Variants in CDS1 observed in about 807,000 individuals in gnomAD.
The protein encoded by CDS1 is CDP-diacylglycerol synthase 1.
CDS1 carries 41 observed loss-of-function variants against 62.1 expected under a neutral mutation model. The ratio of observed to expected loss-of-function variants is 0.66; its 90% CI spans 0.51 to 0.86. The LOEUF (loss-of-function observed/expected upper bound fraction) is 0.86. CDS1 is among the 40% of genes least tolerant of loss of function. The pLI is 0.00. For synonymous variants in CDS1, 185 were observed against 192.6 expected (o/e 0.96, Z 0.32); for missense variants, 470 against 550.1 (o/e 0.85, Z 1.46).
At position 84,631,799 on chromosome 4, in the gene CDS1, T is replaced by C. The variant is rs1724028665; in HGVS notation, c.581-20T>C. ...TGTACCAAATTGTACAACGAGCACA[T>C]GTTTTTTGTTCTTGAACAGGTTTCT... On this transcript the variant is annotated intron_variant, in intron 5 of 12. Coordinates refer to ENST00000295887, the MANE Select transcript of CDS1 (RefSeq NM_001263.4). The C allele has an allele frequency of 1.2e-6, 2 of 1,604,890 alleles. No homozygotes were observed. Among genetic ancestry groups the C allele is most frequent in the Non-Finnish European group, 1.7e-6 (2 of 1,172,460 alleles).
chr4:84,612,519 A>G (rs1160997476), intron 3 of CDS1, among the ~76,000 whole-genome samples: 1 of 152,208 alleles, frequency 6.6e-6, no homozygotes, highest in African/African-American at 2.4e-5. Context: ...ACAAAATTCA[A>G]GACAGTTTTA....
intron 1 of CDS1, among the ~76,000 whole-genome samples, chr4:84,599,988 A>G: frequency 6.6e-6 from 1 of 152,218 alleles, no homozygotes; most frequent in Non-Finnish European, 1.5e-5. Context: ...GTACTGTTTT[A>G]CATTCTCACC....
At chr4:84,640,145 TA>T (rs1724333642) in intron 9 of CDS1, among the ~76,000 whole-genome samples, 2 of 147,654 alleles carry the variant, frequency 1.4e-5, no homozygotes, top group South Asian at 4.2e-4. Context: ...ATAATATATA[TA>T]ATAATATGTA....
chr4:84,643,024 G>A lies in CDS1; in HGVS notation c.1033G>A (p.Glu345Lys). Reference protein sequence around the residue: ...PPFLKAVLRQERVSLYPFQIH... With the variant: ...PPFLKAVLRQKRVSLYPFQIH... ...TCCTCCCCTTCTTTCTCCTCTTTAG[G>A]AAAGAGTGAGCTTGTACCCTTTCCA... Residue 345 changes from glutamate to lysine, a missense_variant and splice_region_variant, in exon 11 of 13, where the codon GAA (glutamate) becomes AAA (lysine). Transcript: ENST00000295887. 3 of 1,588,978 alleles carry A rather than the reference G, an allele frequency of 1.9e-6. 1 individual carries two copies. The South Asian group carries it at 3.5e-5, about 19-fold the overall frequency.
Position 84,650,202 on chromosome 4 carries a change from A to G in CDS1, c.*1516A>G, listed in dbSNP as rs1724690115. 1 of 152,220 alleles carries G rather than the reference A, an allele frequency of 6.6e-6. No individual in the cohort carries two copies. The highest frequency in any genetic ancestry group is 2.4e-5 in the African/African-American group (1 of 41,464). The allele number at this position is 152,220 out of a possible 1,614,324, so 9.4% of individuals were successfully genotyped here. On this transcript the variant is annotated 3_prime_UTR_variant, in exon 13 of 13. Transcript: ENST00000295887. ...CTGGGTTCCACTGATGCAGTCAGCCAGCACCTCCTCACATGCACACATGAT... is the reference window on the plus strand; with the variant it reads ...CTGGGTTCCACTGATGCAGTCAGCCGGCACCTCCTCACATGCACACATGAT...
chr4:84,631,198 C>T (rs962707341), intron 5 of CDS1, among the ~76,000 whole-genome samples: 1 of 152,060 alleles, frequency 6.6e-6, no homozygotes, highest in Non-Finnish European at 1.5e-5. Flanking sequence ...TCTTAAGGGT[C>T]AATAGGATTT....
intron 1 of CDS1, among the ~76,000 whole-genome samples, chr4:84,597,252 T>TA (rs1460153859): frequency 2.7e-5 from 4 of 150,798 alleles, no homozygotes; most frequent in Non-Finnish European, 3.0e-5. Flanking sequence ...CAGTTCAAAT[T>TA]AAAAAAAAAT....
intron 1 of CDS1, among the ~76,000 whole-genome samples, chr4:84,586,451 T>C (rs948667463): frequency 6.6e-6 from 1 of 152,112 alleles, no homozygotes; most frequent in Non-Finnish European, 1.5e-5. Context: ...ATAAGGAACA[T>C]GCAGCCTAGA....
intron 3 of CDS1, among the ~76,000 whole-genome samples, chr4:84,614,082 C>T (rs554315467): frequency 9.2e-5 from 14 of 152,202 alleles, no homozygotes; most frequent in African/African-American, 2.6e-4. Flanking sequence ...ATGTGACTAA[C>T]ATTGTGCATC....
intron 5 of CDS1, among the ~76,000 whole-genome samples, chr4:84,621,092 T>G (rs1175042408): frequency 6.6e-6 from 1 of 152,216 alleles, no homozygotes; most frequent in Non-Finnish European, 1.5e-5. Flanking sequence ...AAATGAGATA[T>G]TTAATTAATT....
chr4:84,599,405 CAT>C (rs59313355), intron 1 of CDS1, among the ~76,000 whole-genome samples: 961 of 23,900 alleles, frequency 0.04, 3 homozygotes, highest in African/African-American at 0.095. Context: ...CACACACACA[CAT>C]ATATATATAT....
chr4:84,603,432 G>T (rs1419678075), intron 1 of CDS1, among the ~76,000 whole-genome samples: 2 of 152,202 alleles, frequency 1.3e-5, no homozygotes, highest in African/African-American at 2.4e-5. Context: ...AAAGGGTAGG[G>T]CCTGAGGCGG....
Position 84,643,105 on chromosome 4 carries a change from T to C in CDS1, c.1114T>C (p.Phe372Leu). The part of the protein sequence containing the change: ...FASLIGPFGG[F>L]FASGFKRAFK... ...ATCTTTAATTGGCCCATTTGGAGGC[T>C]TCTTTGCTAGTGGATTCAAAAGAGC... The change falls in exon 11 of 13, where the codon TTC (phenylalanine) becomes CTC (leucine). Residue 372 changes from phenylalanine to leucine, a missense_variant. Phe to Leu is a conservative substitution (Grantham distance 22, BLOSUM62 0). This residue lies in a region of CDS1 where 214 missense variants were observed against 242.4 expected (regional missense o/e 0.88). Coordinates refer to ENST00000295887, the MANE Select transcript of CDS1 (RefSeq NM_001263.4). The C allele has an allele frequency of 6.2e-7, 1 of 1,613,330 alleles. No individual in the cohort carries two copies. The highest frequency in any genetic ancestry group is 8.5e-7 in the Non-Finnish European group (1 of 1,179,552).
At chr4:84,608,608 C>T (rs1723208034) in intron 2 of CDS1, among the ~76,000 whole-genome samples, 1 of 152,210 alleles carries the variant, frequency 6.6e-6, no homozygotes, top group Non-Finnish European at 1.5e-5. Context: ...CTCACTCCTT[C>T]ATTTCACTGA....
chr4:84,606,837 T>TG (rs1323671873), intron 2 of CDS1, among the ~76,000 whole-genome samples: 1 of 152,086 alleles, frequency 6.6e-6, no homozygotes, highest in East Asian at 1.9e-4. Flanking sequence ...TGAGCCAACA[T>TG]GCCTGGCTAA....
chr4:84,633,917 AATCTGTTTGAAGGCATG>A lies in CDS1; in HGVS notation c.703_719del (p.Leu235MetfsTer13), dbSNP rs747165452. 10 of 1,603,924 alleles carry A rather than the reference AATCTGTTTGAAGGCATG, an allele frequency of 6.2e-6. No individual in the cohort carries two copies. In the Admixed American group the frequency reaches 1.7e-4, roughly 27 times the overall value. On this transcript the variant is annotated frameshift_variant, in exon 7 of 13. Coordinates refer to ENST00000295887, the MANE Select transcript of CDS1 (RefSeq NM_001263.4). LOFTEE classifies it high-confidence loss of function. ...CACTCAGTCACACCTTGTCATCCAA[AATCTGTTTGAAGGCATG>A]ATATGGTAAGGCAACAGAATTATGC...
At chr4:84,584,839 G>A (rs1350480627) in intron 1 of CDS1, among the ~76,000 whole-genome samples, 1 of 152,168 alleles carries the variant, frequency 6.6e-6, no homozygotes, top group Non-Finnish European at 1.5e-5. Flanking sequence ...ACAATTTCCA[G>A]CTACTGAAGG....
chr4:84,590,103 A>ATG (rs1560462571), intron 1 of CDS1, among the ~76,000 whole-genome samples: 11 of 152,084 alleles, frequency 7.2e-5, no homozygotes, highest in Non-Finnish European at 1.5e-4. Flanking sequence ...GAGCCACCTC[A>ATG]CCCAGCCTAA....
chr4:84,634,829 A>C (rs1724127813), intron 7 of CDS1, among the ~76,000 whole-genome samples: 1 of 152,234 alleles, frequency 6.6e-6, no homozygotes, highest in African/African-American at 2.4e-5. Flanking sequence ...AATTAAAATT[A>C]ATAATTGAGA....
Sources: allele counts gnomAD v4.1 joint callset (sites outside exome capture counted in the v4.1 genomes callset), GRCh38; gene constraint gnomAD v4.1.1; regional missense constraint gnomAD v4.1.1; transcripts MANE v1.5; gene names NCBI Gene and HGNC (gene_info 2026-07-23, HGNC 2026-07-21).